TPTE2: variants seen among roughly 807,000 people sequenced by gnomAD.
TPTE2 encodes the protein phosphatidylinositol 3,4,5-trisphosphate 3-phosphatase TPTE2.
Under a neutral mutation model 78.6 loss-of-function variants are expected in TPTE2, and 53 were observed. That is an observed-to-expected ratio of 0.67 (90% CI 0.54 to 0.85). TPTE2 has a LOEUF of 0.85. TPTE2 is among the 40% of genes least tolerant of loss of function. TPTE2 has a pLI of 0.00. For synonymous variants in TPTE2, 175 were observed against 206.2 expected (o/e 0.85, Z 1.30); for missense variants, 461 against 623.0 (o/e 0.74, Z 2.77).
At chr13:19,507,614 C>T (rs1450357853), upstream of TPTE2, among the ~76,000 whole-genome samples, 1 of 152,156 alleles carries the variant, frequency 6.6e-6, no homozygotes, top group Non-Finnish European at 1.5e-5. Flanking sequence ...CCTGAGGTTG[C>T]CTCTGTGCTT....
chr13:19,464,500 A>G (rs1365107218), exon 10 of TPTE2: 3 of 1,613,216 alleles, frequency 1.9e-6, no homozygotes, highest in Non-Finnish European at 2.5e-6. Flanking sequence ...GAAGATGGAA[A>G]TGACATAGCA....
At chr13:19,437,820 AT>A (rs1245948583) in intron 14 of TPTE2, among the ~76,000 whole-genome samples, 1 of 152,040 alleles carries the variant, frequency 6.6e-6, no homozygotes, top group Non-Finnish European at 1.5e-5. Context: ...AAAATTATTT[AT>A]TTTAATTATT....
intron 10 of TPTE2, among the ~76,000 whole-genome samples, chr13:19,453,953 C>T (rs755848968): frequency 5.9e-5 from 9 of 152,178 alleles, no homozygotes; most frequent in Non-Finnish European, 1.2e-4. Flanking sequence ...CTTGCAACAA[C>T]CTCCACCTTT....
intron 1 of TPTE2, among the ~76,000 whole-genome samples, chr13:19,502,491 C>T (rs1410523363): frequency 3.3e-5 from 5 of 151,076 alleles, no homozygotes; most frequent in Non-Finnish European, 7.4e-5. Flanking sequence ...AGTTCATGTC[C>T]TTTGTAGGGA....
At chr13:19,532,914 A>AAGG (rs1223282702) in intron 1 of TPTE2, among the ~76,000 whole-genome samples, 7 of 152,328 alleles carry the variant, frequency 4.6e-5, no homozygotes, top group East Asian at 1.9e-4. Flanking sequence ...AGTGACTTAA[A>AAGG]GCAGGAGGAG....
At chr13:19,559,896 C>A in the TPTE2 span, 1 of 269,296 alleles carries the variant, frequency 3.7e-6, no homozygotes, top group East Asian at 1.0e-4. Context: ...GATGGCATTG[C>A]CCTGGCCCTG....
intron 1 of TPTE2, among the ~76,000 whole-genome samples, chr13:19,494,580 T>C (rs1593396012): frequency 6.6e-6 from 1 of 152,218 alleles, no homozygotes; most frequent in African/African-American, 2.4e-5. Context: ...GGCTAGTTCT[T>C]GTAGTTTTAG....
chr13:19,448,476 G>A (rs1270294675), intron 13 of TPTE2, among the ~76,000 whole-genome samples: 1 of 152,138 alleles, frequency 6.6e-6, no homozygotes, highest in Admixed American at 6.6e-5. Flanking sequence ...CAACACAATA[G>A]CAAGAGAACA....
chr13:19,449,169 T>C (rs1383234669), intron 13 of TPTE2, among the ~76,000 whole-genome samples: 1 of 152,078 alleles, frequency 6.6e-6, no homozygotes, highest in African/African-American at 2.4e-5. Flanking sequence ...TGGTTTTTAC[T>C]TTATTATTAT....
In TPTE2 at chr13:19,486,442, C is replaced by T. The variant is rs1432471252; in HGVS notation, c.120-3895G>A. Among the ~76,000 whole-genome samples the T allele has an allele frequency of 6.6e-6, 1 of 152,188 alleles. No homozygotes were observed. The highest frequency in any genetic ancestry group is 1.9e-4 in the East Asian group (1 of 5,184). ...AAACTTGGAGTATGGCCTTATGCGGCTGGCCATGGTGCTGTCACTCTAGCC... is the reference window on the plus strand; with the variant it reads ...AAACTTGGAGTATGGCCTTATGCGGTTGGCCATGGTGCTGTCACTCTAGCC... On this transcript the variant is annotated intron_variant, in intron 3 of 19. Coordinates refer to ENST00000400230, the Ensembl canonical transcript of TPTE2. This position sits in a 1 kb window ranked among gnomAD's most constrained non-coding sequence, Gnocchi z 4.3.
At chr13:19,436,452 A>T (rs1877097160) in intron 14 of TPTE2, 146 bp from the exon 18 acceptor site, 2 of 716,488 alleles carry the variant, frequency 2.8e-6, no homozygotes, top group Non-Finnish European at 4.4e-6. Context: ...TTGCTCTGCA[A>T]CCCAGACTGG....
At position 19,461,773 on chromosome 13, in the gene TPTE2, A is replaced by G. The variant is rs571860393; in HGVS notation, c.741+2683T>C. 1.8e-4 allele frequency among the ~76,000 whole-genome samples: 27 copies of G among 152,214 alleles called. No homozygotes were observed. The South Asian group carries it at 5.6e-3, about 32-fold the overall frequency. ...AAAATGACTTTCTTTGTCTCTTCAT[A>G]CAGTTTGACTTAAAGTCTGTTTTTA... On this transcript the variant is annotated intron_variant, in intron 10 of 19. Transcript: ENST00000400230.
chr13:19,551,312 G>T, the TPTE2 span, among the ~76,000 whole-genome samples: 1 of 152,048 alleles, frequency 6.6e-6, no homozygotes, highest in East Asian at 1.9e-4. Flanking sequence ...TATACAGGCC[G>T]GGTATGGTGG....
chr13:19,545,658 A>T, the TPTE2 span, among the ~76,000 whole-genome samples: 1 of 152,124 alleles, frequency 6.6e-6, no homozygotes, highest in Non-Finnish European at 1.5e-5. Context: ...ACATGAAGAG[A>T]TTTCTTCCCA....
chr13:19,476,203 A>T (rs1879927940), intron 4 of TPTE2, among the ~76,000 whole-genome samples: 1 of 152,056 alleles, frequency 6.6e-6, no homozygotes, highest in African/African-American at 2.4e-5. Flanking sequence ...AACACCCGAA[A>T]GACTGGGCTC....
At chr13:19,498,230 T>C (rs1351413483) in intron 1 of TPTE2, among the ~76,000 whole-genome samples, 2 of 152,082 alleles carry the variant, frequency 1.3e-5, no homozygotes, top group Non-Finnish European at 1.5e-5. Context: ...CACTGCAGGA[T>C]ATTATCCAGG....
At chr13:19,457,049 G>A (rs1009967929) in intron 10 of TPTE2, among the ~76,000 whole-genome samples, 7 of 152,084 alleles carry the variant, frequency 4.6e-5, no homozygotes, top group African/African-American at 1.7e-4. Context: ...TGCAATAAAC[G>A]CACCTCTGCA....
intron 1 of TPTE2, among the ~76,000 whole-genome samples, chr13:19,495,649 T>C (rs1881261108): frequency 6.6e-6 from 1 of 152,210 alleles, no homozygotes; most frequent in Non-Finnish European, 1.5e-5. Context: ...CATGTATGTA[T>C]GTGTTTGTAT....
chr13:19,437,301 C>G (rs1303139411), intron 14 of TPTE2, among the ~76,000 whole-genome samples: 7 of 152,142 alleles, frequency 4.6e-5, no homozygotes, highest in Admixed American at 1.3e-4. Context: ...CCACCTCTTC[C>G]CTAGACTGCA....
Sources: allele counts gnomAD v4.1 joint callset (sites outside exome capture counted in the v4.1 genomes callset), GRCh38; gene constraint gnomAD v4.1.1; non-coding constraint Gnocchi (gnomAD v3.1); transcripts MANE v1.5; gene names NCBI Gene and HGNC (gene_info 2026-07-23, HGNC 2026-07-21).